Variants in DDX31 observed in about 807,000 individuals in gnomAD.
The protein encoded by DDX31 is ATP-dependent DNA helicase DDX31.
In DDX31, 70 loss-of-function variants were observed where a neutral mutation model predicts 91.3. The observed-to-expected ratio is 0.77, with a 90% CI of 0.63 to 0.94. The LOEUF is 0.94. DDX31 is among the 40% of genes least tolerant of loss of function. The pLI is 0.00. For synonymous variants in DDX31, 362 were observed against 350.6 expected, an observed-to-expected ratio of 1.03 and a Z score of -0.36; for missense variants, 902 against 925.0, an observed-to-expected ratio of 0.98 and a Z score of 0.32.
At chr9:132,657,572 C>A (rs1278898362) in intron 6 of DDX31, among the ~76,000 whole-genome samples, 1 of 152,182 alleles carries the variant, frequency 6.6e-6, no homozygotes, top group African/African-American at 2.4e-5. Flanking sequence ...AGTTTATAGA[C>A]TGTAATGCAA....
At chr9:132,646,680 A>G (rs1007035659) in intron 12 of DDX31, 143 bp downstream of exon 12, 13 of 713,388 alleles carry the variant, frequency 1.8e-5, no homozygotes, top group Non-Finnish European at 3.1e-5. Flanking sequence ...GAAAGGATGT[A>G]TATCAAAGTC....
At chr9:132,609,900 G>C (rs1219846237) in intron 19 of DDX31, among the ~76,000 whole-genome samples, 6 of 152,192 alleles carry the variant, frequency 3.9e-5, no homozygotes, top group Non-Finnish European at 8.8e-5. Flanking sequence ...GATTATAAGA[G>C]TGAGTCACCG....
chr9:132,614,002 G>C (rs1303888023), intron 18 of DDX31, among the ~76,000 whole-genome samples: 2 of 152,186 alleles, frequency 1.3e-5, no homozygotes, highest in Non-Finnish European at 2.9e-5. Context: ...CCAGCCGATG[G>C]TGTCTGATGG....
intron 13 of DDX31, among the ~76,000 whole-genome samples, chr9:132,642,944 C>T (rs755129210): frequency 1.3e-5 from 2 of 151,950 alleles, no homozygotes; most frequent in Non-Finnish European, 2.9e-5. Context: ...CCCACCTTGG[C>T]CTCCTGAGTA....
chr9:132,634,195 C>T (rs774526310), intron 14 of DDX31, among the ~76,000 whole-genome samples: 26 of 152,130 alleles, frequency 1.7e-4, no homozygotes, highest in Non-Finnish European at 3.2e-4. Context: ...TTGGCTTTAA[C>T]AATGAATTCT....
At chr9:132,643,572 C>T (rs907800365) in intron 13 of DDX31, among the ~76,000 whole-genome samples, 2 of 152,188 alleles carry the variant, frequency 1.3e-5, no homozygotes, top group African/African-American at 4.8e-5. Flanking sequence ...AGACCTCACA[C>T]GTCTGAACTT....
At chr9:132,654,223 G>T (rs1834405279) in intron 6 of DDX31, among the ~76,000 whole-genome samples, 4 of 152,122 alleles carry the variant, frequency 2.6e-5, no homozygotes, top group Admixed American at 2.6e-4. Context: ...AGAGTCAAAT[G>T]ATAACCTGGG....
intron 14 of DDX31, among the ~76,000 whole-genome samples, chr9:132,641,591 G>C (rs1166215313): frequency 1.3e-5 from 2 of 152,214 alleles, no homozygotes; most frequent in African/African-American, 4.8e-5. Context: ...GATAGTCGGA[G>C]ACAGCAGCAA....
At chr9:132,659,123 ATGT>A in intron 5 of DDX31, among the ~76,000 whole-genome samples, 1 of 152,140 alleles carries the variant, frequency 6.6e-6, no homozygotes, top group African/African-American at 2.4e-5. Context: ...TGCAGTGCTG[ATGT>A]GATTGGGAGC....
chr9:132,613,293 A>C (rs1831451198), intron 18 of DDX31, among the ~76,000 whole-genome samples: 1 of 151,980 alleles, frequency 6.6e-6, no homozygotes, highest in South Asian at 2.1e-4. Flanking sequence ...AAATGTTTAA[A>C]GGAGAAAGAA....
At chr9:132,661,298 T>C in intron 3 of DDX31, 47 bp from the exon 4 acceptor site, 1 of 1,433,576 alleles carries the variant, frequency 7.0e-7, no homozygotes, top group East Asian at 2.3e-5. Context: ...TGATACAAAA[T>C]ATTTAACGGA....
At chr9:132,665,182 A>C (rs1835230200) in intron 1 of DDX31, among the ~76,000 whole-genome samples, 1 of 152,228 alleles carries the variant, frequency 6.6e-6, no homozygotes, top group Non-Finnish European at 1.5e-5. Context: ...CCTGTCTGGC[A>C]GAGTAAGCAC....
chr9:132,667,025 T>G lies in DDX31; in HGVS notation c.75+2835A>C, dbSNP rs567200957. On this transcript the variant is annotated intron_variant, in intron 1 of 19. Coordinates refer to ENST00000372159, the MANE Select transcript of DDX31 (RefSeq NM_022779.9). ...ACTGCGCCAAGCCTTTTTTTTGTAT[T>G]TTTAGTAGAGATGGGGTTTCACCGT... Among the ~76,000 whole-genome samples the G allele has an allele frequency of 1.9e-4, 29 of 151,926 alleles. 1 individual carries two copies. In the South Asian group the frequency reaches 6.1e-3, roughly 32 times the overall value.
In DDX31 at chr9:132,648,276, C is replaced by G; in HGVS notation, c.880G>C (p.Glu294Gln). The G allele has an allele frequency of 6.2e-7, 1 of 1,610,080 alleles. No individual in the cohort carries two copies. Among genetic ancestry groups the G allele is most frequent in the Non-Finnish European group, 8.5e-7 (1 of 1,178,876 alleles). Residue 294 changes from glutamate (E) to glutamine (Q), a missense_variant, in exon 11 of 20, where the codon GAA (glutamate) becomes CAA (glutamine). Coordinates refer to ENST00000372159, the MANE Select transcript of DDX31 (RefSeq NM_022779.9). ...EADRILDLGF[E>Q]KDITVILNAV... ...TTAAGTATCACTGTGATGTCCTTTTCAAAACCCAAATCCAAGATTCTGTGA... is the reference window on the plus strand; with the variant it reads ...TTAAGTATCACTGTGATGTCCTTTTGAAAACCCAAATCCAAGATTCTGTGA...
intron 4 of DDX31, among the ~76,000 whole-genome samples, chr9:132,660,855 C>CT (rs1249868799): frequency 1.3e-5 from 2 of 152,148 alleles, no homozygotes; most frequent in Non-Finnish European, 2.9e-5. Flanking sequence ...TTACTCTTGT[C>CT]TTTTTGGTTG....
At chr9:132,643,125 A>T (rs1432945105) in intron 13 of DDX31, among the ~76,000 whole-genome samples, 2 of 152,132 alleles carry the variant, frequency 1.3e-5, no homozygotes, top group Non-Finnish European at 2.9e-5. Flanking sequence ...CGCCCTGCTG[A>T]TTTTTTAATA....
chr9:132,649,406 G>T (rs767296871), intron 9 of DDX31, among the ~76,000 whole-genome samples: 31 of 152,176 alleles, frequency 2.0e-4, no homozygotes, highest in Non-Finnish European at 4.4e-5. Context: ...GCAATGGTTG[G>T]AGTGCCTGCA....
intron 6 of DDX31, among the ~76,000 whole-genome samples, chr9:132,657,482 A>C (rs557735601): frequency 2.6e-5 from 4 of 152,332 alleles, no homozygotes; most frequent in Non-Finnish European, 4.4e-5. Context: ...GTTCTACATA[A>C]AGAAGAATTC....
Position 132,646,705 on chromosome 9 carries a change from A to T in DDX31, c.1203+118T>A, listed in dbSNP as rs995720709. 2.0e-5 allele frequency: 18 copies of T among 913,438 alleles called. No individual in the cohort carries two copies. The African/African-American group carries it at 2.3e-4, about 12-fold the overall frequency. 56.6% of individuals were successfully genotyped at this position (913,438 alleles called of 1,614,324 possible). A position where few individuals can be genotyped will look rare whatever the true frequency, so the allele number is the denominator to read the frequency against. ...ATATCAAAGTCTGCATCCGGAATGC[A>T]GACATAAGTTGGAAAACCTCTGATT... On this transcript the variant is annotated intron_variant, in intron 12 of 19. Coordinates refer to ENST00000372159, the MANE Select transcript of DDX31 (RefSeq NM_022779.9).
Sources: gnomAD v4.1 joint callset for allele counts (sites outside exome capture counted in the v4.1 genomes callset) on GRCh38, gnomAD v4.1.1 for gene constraint, MANE v1.5 for transcripts, NCBI Gene and HGNC (gene_info 2026-07-23, HGNC 2026-07-21) for gene names.